The following TTC39C variants were observed in gnomAD, a reference collection of about 807,000 sequenced individuals.
TTC39C encodes tetratricopeptide repeat protein 39C.
A neutral mutation model predicts 76.3 loss-of-function variants in TTC39C; 33 were observed. That is an observed-to-expected ratio of 0.43 (90% CI 0.33 to 0.58). TTC39C has a LOEUF of 0.58. Ranked by LOEUF, TTC39C falls within the 20% of genes least tolerant of loss-of-function variation. The pLI is 0.04. For missense variants in TTC39C, 595 were observed against 701.4 expected, an observed-to-expected ratio of 0.85 and a Z score of 1.71; for synonymous variants, 254 against 260.6, an observed-to-expected ratio of 0.97 and a Z score of 0.24.
At chr18:23,998,719 A>G (rs2083288860) in intron 1 of TTC39C, among the ~76,000 whole-genome samples, 1 of 152,202 alleles carries the variant, frequency 6.6e-6, no homozygotes, top group South Asian at 2.1e-4. Flanking sequence ...CTGATCATCA[A>G]TTTGTGGGCT....
At chr18:24,118,078 A>G in intron 7 of TTC39C, 47 bp from the exon 8 acceptor site, 1 of 1,503,978 alleles carries the variant, frequency 6.6e-7, no homozygotes, top group East Asian at 2.3e-5. Context: ...TATGGGTCAT[A>G]GAGCTCAGTA....
chr18:24,039,718 G>A (rs745651644), intron 1 of TTC39C, among the ~76,000 whole-genome samples: 2 of 152,214 alleles, frequency 1.3e-5, no homozygotes, highest in Non-Finnish European at 2.9e-5. Flanking sequence ...TAAGCCTGGA[G>A]GAAAGAAAAC....
intron 6 of TTC39C, 50 bp from the exon 7 acceptor site, chr18:24,114,504 A>C: frequency 7.6e-7 from 1 of 1,316,566 alleles, no homozygotes; most frequent in South Asian, 1.2e-5. Context: ...GATGATTGTA[A>C]TGTTATCGAC....
intron 1 of TTC39C, chr18:24,022,650 C>T (rs1329597812): frequency 1.0e-6 from 1 of 985,272 alleles, no homozygotes; most frequent in African/African-American, 1.7e-5. Context: ...TCCATCAAAC[C>T]CCCAGAGAGA....
chr18:24,099,113 CGTGTG>C (rs2084644383), intron 6 of TTC39C: 1 of 134,826 alleles, frequency 7.4e-6, no homozygotes, highest in African/African-American at 2.6e-5. Context: ...ATATATAAAA[CGTGTG>C]TGTGTGTGTG....
At chr18:24,067,704 C>T (rs1046725881) in intron 3 of TTC39C, among the ~76,000 whole-genome samples, 6 of 152,132 alleles carry the variant, frequency 3.9e-5, no homozygotes, top group Admixed American at 2.0e-4. Flanking sequence ...AATTGTCTTC[C>T]GTGAAGCTGG....
chr18:23,995,683 C>G (rs1294384917), intron 1 of TTC39C, among the ~76,000 whole-genome samples: 3 of 151,718 alleles, frequency 2.0e-5, no homozygotes, highest in Non-Finnish European at 4.4e-5. Context: ...CCTGGGCAAC[C>G]ATAGCAAAAC....
At chr18:24,046,955 C>T (rs559979470) in intron 1 of TTC39C, among the ~76,000 whole-genome samples, 1 of 151,948 alleles carries the variant, frequency 6.6e-6, no homozygotes, top group South Asian at 2.1e-4. Flanking sequence ...ACTTTTGTTA[C>T]TGAAATACTT....
chr18:24,005,769 TAA>T (rs998400060), intron 1 of TTC39C, among the ~76,000 whole-genome samples: 2 of 150,942 alleles, frequency 1.3e-5, no homozygotes, highest in Non-Finnish European at 2.9e-5. Flanking sequence ...GGCTTGAATC[TAA>T]GAGTTTGAAG....
rs1156911418 is a variant in TTC39C, at chr18:24,036,733, G to C, written c.167+21695G>C. On this transcript the variant is annotated intron_variant, in intron 1 of 13. Coordinates refer to ENST00000317571, the MANE Select transcript of TTC39C (RefSeq NM_001135993.2). ...GCAGTCTTGATCTCCCCAGGCTCAG[G>C]TGATTGTCCCACCTCAGCCTCCTGA... Among the ~76,000 whole-genome samples, 6 of 152,150 alleles carry C rather than the reference G, an allele frequency of 3.9e-5. No individual in the cohort carries two copies. In the East Asian group the frequency reaches 1.2e-3, roughly 29 times the overall value.
intron 6 of TTC39C, among the ~76,000 whole-genome samples, chr18:24,095,251 G>A (rs1469641674): frequency 6.6e-6 from 1 of 152,230 alleles, no homozygotes; most frequent in Non-Finnish European, 1.5e-5. Context: ...AAGAGAGTTA[G>A]GATCTTGCTC....
At chr18:24,044,005 A>C (rs2083830219) in intron 1 of TTC39C, among the ~76,000 whole-genome samples, 1 of 151,870 alleles carries the variant, frequency 6.6e-6, no homozygotes, top group Non-Finnish European at 1.5e-5. Context: ...TGGGAATTAA[A>C]CTTCTCTTCT....
At chr18:24,029,769 C>A (rs2083645512) in intron 1 of TTC39C, among the ~76,000 whole-genome samples, 1 of 152,174 alleles carries the variant, frequency 6.6e-6, no homozygotes, top group African/African-American at 2.4e-5. Flanking sequence ...TTTTCCATTC[C>A]TGAGTCACTT....
intron 1 of TTC39C, among the ~76,000 whole-genome samples, chr18:24,045,900 T>TATATATATATATATGTATATGTAC (rs1568417225): frequency 1.3e-4 from 5 of 38,116 alleles, no homozygotes; most frequent in African/African-American, 6.0e-4. Context: ...AAAATATATA[T>TATATATATATATATGTATATGTAC]ATATATATAT....
intron 1 of TTC39C, 86 bp from the exon 2 acceptor site, chr18:24,064,054 A>C: frequency 6.5e-7 from 1 of 1,535,712 alleles, no homozygotes; most frequent in Non-Finnish European, 8.9e-7. Context: ...ATTATATGGT[A>C]ATCATGATAT....
intron 4 of TTC39C, among the ~76,000 whole-genome samples, chr18:24,069,640 A>G (rs546823003): frequency 5.9e-5 from 9 of 152,352 alleles, no homozygotes; most frequent in Admixed American, 4.6e-4. Context: ...GGAAGTTGTT[A>G]TTAAGGCCTG....
At chr18:24,078,345 C>A (rs1056949082) in intron 4 of TTC39C, among the ~76,000 whole-genome samples, 1 of 152,182 alleles carries the variant, frequency 6.6e-6, no homozygotes, top group Non-Finnish European at 1.5e-5. Context: ...AGACCACCTC[C>A]AGGTTTGATG....
chr18:24,092,201 C>T (rs1366642977), intron 6 of TTC39C, among the ~76,000 whole-genome samples: 2 of 143,404 alleles, frequency 1.4e-5, no homozygotes, highest in African/African-American at 5.1e-5. Flanking sequence ...ACTAAGGAAA[C>T]AAATCAAAAC....
chr18:24,066,174 G>T (rs929915905), intron 3 of TTC39C, 34 bp downstream of exon 3: 1 of 1,558,268 alleles, frequency 6.4e-7, no homozygotes, highest in Non-Finnish European at 8.6e-7. Context: ...TGGACTGTGT[G>T]CCACTTATTT....
Sources: allele counts gnomAD v4.1 joint callset (sites outside exome capture counted in the v4.1 genomes callset), GRCh38; gene constraint gnomAD v4.1.1; transcripts MANE v1.5; gene names NCBI Gene and HGNC (gene_info 2026-07-23, HGNC 2026-07-21).